The following KCNQ5 variants were observed in gnomAD, a reference collection of about 807,000 sequenced individuals.
The protein encoded by KCNQ5 is potassium voltage-gated channel subfamily KQT member 5.
Under a neutral mutation model 98.2 loss-of-function variants are expected in KCNQ5, and 30 were observed. The observed-to-expected ratio is 0.31, with a 90% CI of 0.23 to 0.41. The LOEUF (loss-of-function observed/expected upper bound fraction) is 0.41. KCNQ5 is among the 10% of genes least tolerant of loss of function. The pLI, the probability that KCNQ5 is intolerant of heterozygous loss-of-function variation, is 1.00. For missense variants in KCNQ5, 835 were observed against 1,182.5 expected, an observed-to-expected ratio of 0.71 and a Z score of 4.31; for synonymous variants, 458 against 449.4, an observed-to-expected ratio of 1.02 and a Z score of -0.24.
rs896960641 is a variant in KCNQ5 at position 72,635,841 on chromosome 6, C to T, written c.398+13254C>T. Among the ~76,000 whole-genome samples the T allele has an allele frequency of 3.0e-4, 45 of 151,712 alleles. 1 individual carries two copies. Among genetic ancestry groups the T allele is most frequent in the African/African-American group, 1.0e-3 (42 of 41,310 alleles). ...ACATGCTCTAAGAGTGTACTGCCTACGTAGACTGGGTACCTAATTTACATA... is the reference window on the plus strand; with the variant it reads ...ACATGCTCTAAGAGTGTACTGCCTATGTAGACTGGGTACCTAATTTACATA... On this transcript the variant is annotated intron_variant, in intron 1 of 13. Transcript: ENST00000370398.
chr6:73,111,460 T>C, intron 7 of KCNQ5, 57 bp downstream of exon 7: 1 of 1,115,028 alleles, frequency 9.0e-7, no homozygotes, highest in South Asian at 1.4e-5. Flanking sequence ...GCTTGATGGG[T>C]CATTTTCCAA....
intron 2 of KCNQ5, among the ~76,000 whole-genome samples, chr6:73,035,316 A>G (rs1488660453): frequency 1.3e-5 from 2 of 152,246 alleles, no homozygotes; most frequent in African/African-American, 4.8e-5. Flanking sequence ...AGAGTTATCC[A>G]AGCCAAGCTT....
chr6:72,957,437 C>T (rs905096835), intron 1 of KCNQ5, among the ~76,000 whole-genome samples: 1 of 152,104 alleles, frequency 6.6e-6, no homozygotes, highest in African/African-American at 2.4e-5. Flanking sequence ...TCCCAAAGTG[C>T]TGGTATTACA....
intron 5 of KCNQ5, among the ~76,000 whole-genome samples, chr6:73,100,848 A>G (rs771868366): frequency 1.6e-4 from 24 of 152,250 alleles, no homozygotes; most frequent in Non-Finnish European, 3.2e-4. Context: ...ATTAGAGGCT[A>G]CTGTGAGAAA....
At chr6:72,845,419 T>A (rs1007463968) in intron 1 of KCNQ5, among the ~76,000 whole-genome samples, 1 of 152,224 alleles carries the variant, frequency 6.6e-6, no homozygotes, top group Non-Finnish European at 1.5e-5. Context: ...AAAAGCTATT[T>A]AACCTCCATA....
At chr6:72,659,435 A>C (rs1766393553) in intron 1 of KCNQ5, among the ~76,000 whole-genome samples, 1 of 152,256 alleles carries the variant, frequency 6.6e-6, no homozygotes, top group Non-Finnish European at 1.5e-5. Flanking sequence ...TCGTGCTGTC[A>C]TAACAAAATA....
chr6:72,807,142 A>G (rs972181718), intron 1 of KCNQ5, among the ~76,000 whole-genome samples: 1 of 152,132 alleles, frequency 6.6e-6, no homozygotes. Context: ...TTATTTAATC[A>G]TTCAAGAGAA....
intron 11 of KCNQ5, among the ~76,000 whole-genome samples, chr6:73,182,621 A>G (rs1248166795): frequency 6.6e-6 from 1 of 152,146 alleles, no homozygotes; most frequent in Non-Finnish European, 1.5e-5. Context: ...TTCGTAGTTG[A>G]TACCTACTTT....
At chr6:72,641,790 T>A (rs2098927331) in intron 1 of KCNQ5, among the ~76,000 whole-genome samples, 1 of 152,106 alleles carries the variant, frequency 6.6e-6, no homozygotes, top group South Asian at 2.1e-4. Flanking sequence ...GACCATTTTC[T>A]GCCTGGGTCA....
chr6:73,181,429 G>A (rs956951792), intron 11 of KCNQ5, among the ~76,000 whole-genome samples: 2 of 151,598 alleles, frequency 1.3e-5, no homozygotes, highest in African/African-American at 4.9e-5. Flanking sequence ...CAAAGGGCTC[G>A]TCATAGGTAC....
Position 72,897,727 on chromosome 6 carries a change from G to C in KCNQ5, c.399-106181G>C, listed in dbSNP as rs979033375. Among the ~76,000 whole-genome samples, 6 of 152,172 alleles carry C rather than the reference G, an allele frequency of 3.9e-5. No individual in the cohort carries two copies. The South Asian group carries it at 1.0e-3, about 26-fold the overall frequency. Reference sequence around the variant, plus strand: ...GAGGAGAGGGAGTACGCAAGCTGTGGCTCCATTAGGACAGGCCCTAGAAGT... The same window carrying C: ...GAGGAGAGGGAGTACGCAAGCTGTGCCTCCATTAGGACAGGCCCTAGAAGT... On this transcript the variant is annotated intron_variant, in intron 1 of 13. Transcript: ENST00000370398.
intron 5 of KCNQ5, among the ~76,000 whole-genome samples, chr6:73,091,718 TTG>T (rs1554207621): frequency 0.89 from 132,985 of 149,730 alleles, 58,869 homozygotes; most frequent in South Asian, 0.96. Flanking sequence ...TTGGTTGGGT[TTG>T]TTTTTGTTGT....
At chr6:73,024,615 C>T (rs1770790668) in intron 2 of KCNQ5, among the ~76,000 whole-genome samples, 1 of 152,138 alleles carries the variant, frequency 6.6e-6, no homozygotes, top group African/African-American at 2.4e-5. Flanking sequence ...TTGACTCTAG[C>T]CAGAGCCAGA....
chr6:72,969,543 C>T (rs543998267), intron 1 of KCNQ5, among the ~76,000 whole-genome samples: 1 of 152,160 alleles, frequency 6.6e-6, no homozygotes, highest in East Asian at 1.9e-4. Flanking sequence ...TGTAACATTC[C>T]CAACTTGTAT....
intron 1 of KCNQ5, among the ~76,000 whole-genome samples, chr6:72,854,861 A>G (rs1418467642): frequency 1.3e-5 from 2 of 151,106 alleles, no homozygotes; most frequent in African/African-American, 4.9e-5. Context: ...ACAATTTTCC[A>G]ATTCTAATTA....
rs116551832 is a variant in KCNQ5 at position 72,659,963 on chromosome 6, G to C, written c.398+37376G>C. 1.3e-3 allele frequency among the ~76,000 whole-genome samples: 204 copies of C among 152,128 alleles called. 1 individual carries two copies. The highest frequency in any genetic ancestry group is 4.8e-3 in the African/African-American group (199 of 41,494). ...AACCACCTTCTCCACTTTCATCTTA[G>C]TAGTTTCTGCAGTGGCTGCTTACGG... On this transcript the variant is annotated intron_variant, in intron 1 of 13. Transcript: ENST00000370398.
intron 1 of KCNQ5, among the ~76,000 whole-genome samples, chr6:72,856,929 A>G (rs2150148740): frequency 6.6e-6 from 1 of 152,326 alleles, no homozygotes; most frequent in East Asian, 1.9e-4. Flanking sequence ...TGCTGGGGAT[A>G]TGCCTGAGGG....
chr6:72,719,549 G>T (rs899524737), intron 1 of KCNQ5, among the ~76,000 whole-genome samples: 3 of 152,220 alleles, frequency 2.0e-5, no homozygotes, highest in Non-Finnish European at 1.5e-5. Context: ...GCCAAGCCAG[G>T]ATTCAAAGCC....
intron 5 of KCNQ5, 76 bp downstream of exon 5, chr6:73,077,963 T>C: frequency 8.4e-7 from 1 of 1,184,050 alleles, no homozygotes; most frequent in Non-Finnish European, 1.2e-6. Context: ...ATGGTTCCTA[T>C]GGATGGTTTC....
Sources: gnomAD v4.1 joint callset for allele counts (sites outside exome capture counted in the v4.1 genomes callset) on GRCh38, gnomAD v4.1.1 for gene constraint, MANE v1.5 for transcripts, NCBI Gene and HGNC (gene_info 2026-07-23, HGNC 2026-07-21) for gene names.